Variants in PAM observed in about 807,000 individuals in gnomAD.
PAM encodes peptidyl-glycine alpha-amidating monooxygenase.
A neutral mutation model predicts 122.1 loss-of-function variants in PAM; 72 were observed. The observed-to-expected ratio is 0.59, with a 90% CI of 0.49 to 0.72. The LOEUF is 0.72. Among genes scored for constraint, PAM ranks in the 30% least tolerant of loss-of-function variants. The pLI is 0.00. For synonymous variants in PAM, 389 were observed against 404.4 expected (o/e 0.96, Z 0.46); for missense variants, 1,106 against 1,183.7 (o/e 0.93, Z 0.96).
In PAM at chr5:102,978,045, A is replaced by G. The variant is rs1455525666; in HGVS notation, c.1483+3609A>G. Among the ~76,000 whole-genome samples, 5 of 152,218 alleles carry G rather than the reference A, an allele frequency of 3.3e-5. No individual in the cohort carries two copies. In the East Asian group the frequency reaches 9.6e-4, roughly 29 times the overall value. On this transcript the variant is annotated intron_variant, in intron 15 of 25. Transcript: ENST00000438793. ...ATTAACAATTGTGACTATTATTGCT[A>G]CCATTACTGTCATGTTATGTTAGAT...
intron 1 of PAM, among the ~76,000 whole-genome samples, chr5:102,852,810 A>G (rs1422056862): frequency 6.6e-6 from 1 of 152,236 alleles, no homozygotes; most frequent in Non-Finnish European, 1.5e-5. Flanking sequence ...AGTAAAAAAT[A>G]GTAAACTTGA....
At chr5:102,809,731 G>C (rs1287524986) in intron 1 of PAM, among the ~76,000 whole-genome samples, 1 of 152,244 alleles carries the variant, frequency 6.6e-6, no homozygotes, top group African/African-American at 2.4e-5. Context: ...ACAACTGTGA[G>C]AGAGGGTGAA....
At chr5:103,021,225 G>A (rs1358499787) in intron 23 of PAM, among the ~76,000 whole-genome samples, 1 of 152,102 alleles carries the variant, frequency 6.6e-6, no homozygotes, top group East Asian at 1.9e-4. Context: ...AATCTATTTG[G>A]TACCAAAGCC....
In PAM at chr5:103,005,198, A is replaced by G. The variant is rs770731012; in HGVS notation, c.1775A>G (p.Tyr592Cys). 2 of 1,495,982 alleles carry G rather than the reference A, an allele frequency of 1.3e-6. No individual in the cohort carries two copies. Among genetic ancestry groups the G allele is most frequent in the Non-Finnish European group, 1.9e-6 (2 of 1,074,132 alleles). 92.7% of individuals were successfully genotyped at this position (1,495,982 alleles called of 1,614,324 possible). Residue 592 changes from tyrosine (Y) to cysteine (C), a missense_variant, in exon 18 of 26, where the codon TAT (tyrosine) becomes TGT (cysteine). Physicochemically the swap from Tyr to Cys is radical, Grantham distance 194 (BLOSUM62 -2). Transcript: ENST00000438793. ...HGLSIDKDGN[Y>C]WVTDVALHQV... ...TTGAGTATAGATAAAGATGGGAATT[A>G]TTGGGTCACAGACGTGGCTCTCCAT...
intron 22 of PAM, among the ~76,000 whole-genome samples, chr5:103,017,641 AAATTCTTGATGCCTGAAGTACTGTC>A (rs1390110377): frequency 6.6e-6 from 1 of 152,214 alleles, no homozygotes; most frequent in Non-Finnish European, 1.5e-5. Flanking sequence ...TTTCCACAGG[AAATTCTTGATGCCTGAAGTACTGTC>A]TGTTACATTA....
intron 4 of PAM, among the ~76,000 whole-genome samples, chr5:102,911,005 C>G (rs1239210050): frequency 6.6e-6 from 1 of 151,888 alleles, no homozygotes; most frequent in Admixed American, 6.6e-5. Context: ...TGAAATGAAC[C>G]TGTCAGACCA....
intron 1 of PAM, among the ~76,000 whole-genome samples, chr5:102,838,069 G>A (rs1777566319): frequency 6.6e-6 from 1 of 152,152 alleles, no homozygotes; most frequent in South Asian, 2.1e-4. Context: ...AATATGGAAA[G>A]AAATTGATTA....
intron 7 of PAM, among the ~76,000 whole-genome samples, chr5:102,933,373 A>C (rs1263788287): frequency 6.6e-6 from 1 of 152,266 alleles, no homozygotes; most frequent in Non-Finnish European, 1.5e-5. Flanking sequence ...GGGATTAAAA[A>C]ATACAATAAA....
chr5:102,772,993 A>C (rs1056050980), intron 1 of PAM, among the ~76,000 whole-genome samples: 2 of 152,126 alleles, frequency 1.3e-5, no homozygotes. Flanking sequence ...AGTTCAGAGC[A>C]ATAGGACTTC....
In PAM at chr5:102,959,976, A is replaced by G; in HGVS notation, c.1007A>G (p.Asp336Gly). ...ACCTGTACCCAGAATGTAGCTCCAG[A>G]TATGTTCAGAACCATACCACCAGAG... ...FMTCTQNVAP[D>G]MFRTIPPEAN... Residue 336 changes from aspartate (D) to glycine (G), a missense_variant, in exon 13 of 26, where the codon GAT becomes GGT. By Grantham distance (94) the Asp-to-Gly change is moderately conservative. Around this residue, in one of 3 missense-constraint regions of PAM, gnomAD observed 670 missense variants for 690.3 expected, o/e 0.97. Transcript: ENST00000438793. The G allele has an allele frequency of 1.9e-6, 3 of 1,612,280 alleles. No homozygotes were observed. Among genetic ancestry groups the G allele is most frequent in the Non-Finnish European group, 1.7e-6 (2 of 1,178,464 alleles).
intron 12 of PAM, among the ~76,000 whole-genome samples, chr5:102,951,621 C>T (rs975312320): frequency 2.0e-5 from 3 of 151,882 alleles, no homozygotes; most frequent in South Asian, 2.1e-4. Context: ...ATGATTCTTG[C>T]GATAGCAACA....
intron 15 of PAM, among the ~76,000 whole-genome samples, chr5:102,976,582 C>T (rs758137768): frequency 2.0e-5 from 3 of 152,034 alleles, no homozygotes; most frequent in Non-Finnish European, 4.4e-5. Context: ...GCCTAATGGT[C>T]GGAGGAATTA....
intron 15 of PAM, 161 bp from the exon 16 acceptor site, chr5:102,990,111 T>C: frequency 2.4e-6 from 1 of 410,508 alleles, no homozygotes; most frequent in Admixed American, 4.3e-5. Context: ...CTACTTGGAA[T>C]GTGCATGTGG....
At chr5:102,867,931 A>T (rs1786111305) in intron 3 of PAM, among the ~76,000 whole-genome samples, 1 of 152,208 alleles carries the variant, frequency 6.6e-6, no homozygotes. Context: ...GTTGTAAGAG[A>T]TGTATTTTGA....
chr5:102,820,938 C>T (rs1771685848), intron 1 of PAM, among the ~76,000 whole-genome samples: 1 of 152,176 alleles, frequency 6.6e-6, no homozygotes, highest in Non-Finnish European at 1.5e-5. Context: ...GCAAGAGTGA[C>T]TTGGATTTTG....
chr5:102,965,911 G>C (rs1387996078), intron 14 of PAM, among the ~76,000 whole-genome samples: 1 of 152,012 alleles, frequency 6.6e-6, no homozygotes, highest in Non-Finnish European at 1.5e-5. Context: ...AAACACAATA[G>C]TCTACTGTCA....
intron 1 of PAM, among the ~76,000 whole-genome samples, chr5:102,773,331 G>A (rs1482200480): frequency 6.6e-6 from 1 of 152,104 alleles, no homozygotes; most frequent in African/African-American, 2.4e-5. Context: ...ACCATATGCT[G>A]TATTAGGAGT....
At chr5:102,988,722 A>AAGAT (rs1437819274) in intron 15 of PAM, among the ~76,000 whole-genome samples, 1 of 151,134 alleles carries the variant, frequency 6.6e-6, no homozygotes, top group South Asian at 2.1e-4. Context: ...AAAGAAAAGA[A>AAGAT]AAAAGGGAAG....
intron 1 of PAM, among the ~76,000 whole-genome samples, chr5:102,802,084 G>A (rs112371174): frequency 0.026 from 3,990 of 152,124 alleles, 106 homozygotes; most frequent in East Asian, 0.14. Context: ...CGCCCGGCCG[G>A]GAAAAGGTAT....
Sources: allele counts gnomAD v4.1 joint callset (sites outside exome capture counted in the v4.1 genomes callset), GRCh38; gene constraint gnomAD v4.1.1; regional missense constraint gnomAD v4.1.1; transcripts MANE v1.5; gene names NCBI Gene and HGNC (gene_info 2026-07-23, HGNC 2026-07-21).